Variants in AATF observed in about 807,000 individuals in gnomAD.
AATF encodes protein AATF.
In AATF, 48 loss-of-function variants were observed where a neutral mutation model predicts 63.7. The observed-to-expected ratio is 0.75, with a 90% CI of 0.60 to 0.96. AATF has a LOEUF of 0.96. Among genes scored for constraint, AATF ranks in the 40% least tolerant of loss-of-function variants. The pLI, the probability that AATF is intolerant of heterozygous loss-of-function variation, is 0.00. For synonymous variants in AATF, 258 were observed against 247.7 expected, an observed-to-expected ratio of 1.04 and a Z score of -0.39; for missense variants, 639 against 685.7, an observed-to-expected ratio of 0.93 and a Z score of 0.76.
chr17:37,037,321 G>A (rs547644650), intron 11 of AATF, among the ~76,000 whole-genome samples: 4 of 152,112 alleles, frequency 2.6e-5, no homozygotes, highest in East Asian at 1.9e-4. Context: ...GGCTGACAGC[G>A]TCATCTTTAA....
At chr17:36,985,110 C>T (rs562792192) in intron 4 of AATF, among the ~76,000 whole-genome samples, 2 of 152,156 alleles carry the variant, frequency 1.3e-5, no homozygotes, top group African/African-American at 4.8e-5. Context: ...CCATGTTGGC[C>T]AGGCTGGTCT....
intron 11 of AATF, among the ~76,000 whole-genome samples, chr17:37,035,618 A>G (rs1389028681): frequency 6.7e-6 from 1 of 149,970 alleles, no homozygotes; most frequent in Non-Finnish European, 1.5e-5. Context: ...GGCTCACTGC[A>G]ATCTCCACCT....
chr17:36,980,581 G>C (rs943750262), intron 4 of AATF, among the ~76,000 whole-genome samples: 1 of 152,152 alleles, frequency 6.6e-6, no homozygotes, highest in African/African-American at 2.4e-5. Context: ...TCACAGGGTT[G>C]AACAGCTAGA....
chr17:37,009,685 C>T (rs962264895), intron 8 of AATF, among the ~76,000 whole-genome samples: 2 of 150,144 alleles, frequency 1.3e-5, no homozygotes, highest in Non-Finnish European at 3.0e-5. Flanking sequence ...GGCGCGGTGG[C>T]GGGCGCCTGT....
At position 37,021,818 on chromosome 17, in the gene AATF, A is replaced by T. The variant is rs1370337352; in HGVS notation, c.1547+804A>T. ...AGACTCCGTCTCAAAAAAAAAAAAA[A>T]AAATAATAATAATAATAATAATAAA... On this transcript the variant is annotated intron_variant, in intron 10 of 11. Coordinates refer to ENST00000619387, the MANE Select transcript of AATF (RefSeq NM_012138.4). 1.3e-4 allele frequency among the ~76,000 whole-genome samples: 18 copies of T among 140,486 alleles called. 2 individuals are homozygous for T. The highest frequency in any genetic ancestry group is 2.0e-4 in the East Asian group (1 of 5,066). 92.2% of individuals were successfully genotyped at this position (140,486 alleles called of 152,430 possible). A position where few individuals can be genotyped will look rare whatever the true frequency, so the allele number is the denominator to read the frequency against.
At chr17:37,034,314 T>C (rs1380746606) in intron 11 of AATF, among the ~76,000 whole-genome samples, 2 of 152,180 alleles carry the variant, frequency 1.3e-5, no homozygotes, top group African/African-American at 4.8e-5. Context: ...CCAGTAGGTA[T>C]TGTTAACTTT....
At chr17:37,028,606 T>C (rs1008263310) in intron 10 of AATF, among the ~76,000 whole-genome samples, 5 of 151,728 alleles carry the variant, frequency 3.3e-5, no homozygotes, top group African/African-American at 1.2e-4. Flanking sequence ...GGCAACATAG[T>C]GAAACCCCAT....
chr17:36,993,633 G>A (rs1437824852), intron 8 of AATF, among the ~76,000 whole-genome samples: 1 of 152,176 alleles, frequency 6.6e-6, no homozygotes, highest in South Asian at 2.1e-4. Context: ...CAATGGGCCT[G>A]TGAGTTTTCA....
chr17:37,019,890 G>C (rs578180913), intron 9 of AATF, among the ~76,000 whole-genome samples: 1 of 152,270 alleles, frequency 6.6e-6, no homozygotes, highest in South Asian at 2.1e-4. Flanking sequence ...TAATGTGATA[G>C]AGCAAATTGC....
chr17:37,009,948 T>G (rs1480675942), intron 8 of AATF, among the ~76,000 whole-genome samples: 1 of 150,942 alleles, frequency 6.6e-6, no homozygotes, highest in Non-Finnish European at 1.5e-5. Flanking sequence ...TGTGGGGAAG[T>G]CATATCATTG....
At chr17:37,009,298 ATTTTTTTTTTTTT>A (rs34957243) in intron 8 of AATF, among the ~76,000 whole-genome samples, 2 of 128,628 alleles carry the variant, frequency 1.6e-5, no homozygotes, top group African/African-American at 3.0e-5. Flanking sequence ...TGCCCGGCTA[ATTTTTTTTTTTTT>A]TTTTTGTATT....
At chr17:36,975,849 T>G (rs1025954177) in intron 4 of AATF, among the ~76,000 whole-genome samples, 4 of 152,238 alleles carry the variant, frequency 2.6e-5, no homozygotes, top group Non-Finnish European at 5.9e-5. Context: ...CCCACTGTTT[T>G]AAGTTTTTCT....
chr17:36,974,727 A>G (rs745461304), intron 4 of AATF, among the ~76,000 whole-genome samples: 3 of 152,294 alleles, frequency 2.0e-5, no homozygotes, highest in South Asian at 4.1e-4. Context: ...ACATTTCCCA[A>G]TGTTTAATGA....
intron 10 of AATF, among the ~76,000 whole-genome samples, chr17:37,030,013 T>C (rs1270500314): frequency 6.6e-6 from 1 of 151,014 alleles, no homozygotes; most frequent in Non-Finnish European, 1.5e-5. Context: ...CTGTATGTGT[T>C]TTCTGTGTGG....
intron 11 of AATF, chr17:37,034,553 G>A (rs2071575650): frequency 6.6e-6 from 1 of 151,826 alleles, no homozygotes. Context: ...GGTGTGCCGG[G>A]GGCATAGAGA....
intron 4 of AATF, among the ~76,000 whole-genome samples, chr17:36,964,758 TC>T (rs915056456): frequency 1.9e-5 from 2 of 106,872 alleles, no homozygotes; most frequent in East Asian, 3.1e-4. Context: ...TTTGCCCCCC[TC>T]CCCCCCACTG....
intron 4 of AATF, among the ~76,000 whole-genome samples, chr17:36,982,511 G>A (rs539149505): frequency 1.4e-4 from 22 of 151,832 alleles, no homozygotes; most frequent in Non-Finnish European, 2.8e-4. Context: ...GTGCCACCAC[G>A]CCCAGCTAAT....
At chr17:37,020,118 A>C (rs2071458137) in intron 9 of AATF, among the ~76,000 whole-genome samples, 1 of 152,032 alleles carries the variant, frequency 6.6e-6, no homozygotes, top group South Asian at 2.1e-4. Context: ...CAATTTATGA[A>C]GATTTTCTTA....
At chr17:36,975,135 T>C (rs1455906922) in intron 4 of AATF, among the ~76,000 whole-genome samples, 1 of 152,186 alleles carries the variant, frequency 6.6e-6, no homozygotes, top group Non-Finnish European at 1.5e-5. Context: ...GAGATAACCA[T>C]TTTAAATAAT....
Sources: allele counts gnomAD v4.1 joint callset (sites outside exome capture counted in the v4.1 genomes callset), GRCh38; gene constraint gnomAD v4.1.1; transcripts MANE v1.5; gene names NCBI Gene and HGNC (gene_info 2026-07-23, HGNC 2026-07-21).